Variants in LRTM3 observed in about 807,000 individuals in gnomAD.
LRTM3 encodes leucine-rich repeat transmembrane protein 3.
chr13:102,748,152 T>C, the LRTM3 span: 6 of 1,550,962 alleles, frequency 3.9e-6, no homozygotes, highest in African/African-American at 4.1e-5. Flanking sequence ...AGTTGAGAAA[T>C]GGTAGTGTAA....
chr13:102,746,821 T>C, the LRTM3 span: 1 of 1,551,210 alleles, frequency 6.4e-7, no homozygotes, highest in Non-Finnish European at 8.7e-7. Flanking sequence ...TTAAAGGGTC[T>C]CCAATCAGTG....
chr13:102,748,686 G>A, the LRTM3 span: 31 of 1,550,114 alleles, frequency 2.0e-5, no homozygotes, highest in South Asian at 3.7e-4. Context: ...TTTAGAACAT[G>A]AAATTCTGTA....
chr13:102,750,339 C>T, the LRTM3 span: 3 of 1,540,066 alleles, frequency 1.9e-6, no homozygotes, highest in Non-Finnish European at 2.6e-6. Flanking sequence ...CATTCCTTTT[C>T]TTCAGATGTA....
chr13:102,744,492 C>T, the LRTM3 span: 2 of 1,550,616 alleles, frequency 1.3e-6, no homozygotes, highest in South Asian at 2.4e-5. Context: ...CATTTTATTC[C>T]TTCTTGCATA....
chr13:102,746,149 G>T, the LRTM3 span: 1 of 1,551,078 alleles, frequency 6.4e-7, no homozygotes. Context: ...AACCTGTTTG[G>T]TGCTGCAAAC....
chr13:102,749,012 A>G, the LRTM3 span: 11 of 1,550,576 alleles, frequency 7.1e-6, no homozygotes, highest in Admixed American at 2.2e-4. Flanking sequence ...GACTTTCACT[A>G]GTTGTTTTCT....
At chr13:102,737,057 A>G in the LRTM3 span, 1 of 1,551,032 alleles carries the variant, frequency 6.4e-7, no homozygotes, top group Non-Finnish European at 8.7e-7. Flanking sequence ...TATGTTTGTT[A>G]GTACTTCTCT....
the LRTM3 span, chr13:102,732,168 T>G: frequency 1.3e-6 from 2 of 1,551,342 alleles, no homozygotes; most frequent in East Asian, 4.9e-5. Context: ...TTTGGTGATT[T>G]TTCCTGGAAT....
the LRTM3 span, chr13:102,747,194 A>G: frequency 6.4e-7 from 1 of 1,550,676 alleles, no homozygotes; most frequent in South Asian, 1.2e-5. Context: ...TTCCTCTTGG[A>G]CTAGCTTGAT....
chr13:102,738,078 C>A, the LRTM3 span: 1 of 1,551,032 alleles, frequency 6.4e-7, no homozygotes, highest in Non-Finnish European at 8.7e-7. Flanking sequence ...CCTTCTCTGT[C>A]CTCTTTCCCT....
At chr13:102,744,914 C>G in the LRTM3 span, 4 of 1,550,524 alleles carry the variant, frequency 2.6e-6, no homozygotes, top group Non-Finnish European at 2.6e-6. Flanking sequence ...GTGCTGTTCC[C>G]CCATACATTT....
At chr13:102,749,254 T>C in the LRTM3 span, 131 of 1,550,868 alleles carry the variant, frequency 8.4e-5, no homozygotes, top group Non-Finnish European at 1.0e-4. Context: ...TTTTACTGTC[T>C]GGTGTTTTTC....
At chr13:102,730,120 A>G in the LRTM3 span, 1 of 1,550,204 alleles carries the variant, frequency 6.5e-7, no homozygotes, top group South Asian at 1.2e-5. Flanking sequence ...TGTGGGACTT[A>G]CAGGAAGGTG....
chr13:102,731,393 A>G, the LRTM3 span: 1 of 1,551,492 alleles, frequency 6.4e-7, no homozygotes, highest in Admixed American at 2.0e-5. Flanking sequence ...TTTCCTTGCC[A>G]TCTCTGGTAT....
the LRTM3 span, chr13:102,747,678 T>C: frequency 9.7e-6 from 15 of 1,551,186 alleles, no homozygotes; most frequent in Non-Finnish European, 1.2e-5. Context: ...TTCTCTGGCA[T>C]TGTAAGTGGA....
At chr13:102,739,393 T>C in the LRTM3 span, 1 of 1,550,386 alleles carries the variant, frequency 6.5e-7, no homozygotes, top group South Asian at 1.2e-5. Context: ...CTGCAGATGA[T>C]ACTCTTCTGG....
At chr13:102,738,165 C>T in the LRTM3 span, 4 of 1,550,980 alleles carry the variant, frequency 2.6e-6, no homozygotes, top group Non-Finnish European at 2.6e-6. Context: ...GCCTTCTTTG[C>T]TTTCAGACCT....
At chr13:102,740,740 A>T in the LRTM3 span, 1 of 1,548,706 alleles carries the variant, frequency 6.5e-7, no homozygotes, top group Non-Finnish European at 8.7e-7. Flanking sequence ...CCTTGTATGT[A>T]TATTTTTCTT....
At chr13:102,733,341 C>A in the LRTM3 span, 3 of 1,551,226 alleles carry the variant, frequency 1.9e-6, no homozygotes, top group Non-Finnish European at 2.6e-6. Context: ...CTTTGTCCAT[C>A]TTCCTTTGGC....
Sources: gnomAD v4.1 joint callset for allele counts on GRCh38, gnomAD v4.1.1 for gene constraint, MANE v1.5 for transcripts, NCBI Gene and HGNC (gene_info 2026-07-23, HGNC 2026-07-21) for gene names.